The following IQSEC1 variants were observed in gnomAD, a reference collection of about 807,000 sequenced individuals.
IQSEC1 encodes the protein IQ motif and Sec7 domain ArfGEF 1, also known as IQ motif and SEC7 domain-containing protein 1.
IQSEC1 carries 31 observed loss-of-function variants against 91.0 expected under a neutral mutation model. That is an observed-to-expected ratio of 0.34 (90% CI 0.26 to 0.46). The LOEUF (loss-of-function observed/expected upper bound fraction) is 0.46, where lower values mean the gene tolerates loss of function less well. IQSEC1 is among the 20% of genes least tolerant of loss of function. The probability of loss-of-function intolerance (pLI) is 1.00; values close to 1 mark genes in which losing one functional copy is unlikely to be tolerated. For missense variants in IQSEC1, 1,388 were observed against 1,575.6 expected (o/e 0.88, Z 2.02); for synonymous variants, 699 against 662.6 (o/e 1.05, Z -0.84).
intron 1 of IQSEC1, among the ~76,000 whole-genome samples, chr3:13,268,494 ACTTTCTGATGAGGCTCCC>A (rs1483617056): frequency 2.0e-5 from 3 of 152,160 alleles, no homozygotes; most frequent in African/African-American, 7.2e-5. Context: ...CTGCCACTAG[ACTTTCTGATGAGGCTCCC>A]CTATCAGAAG....
At chr3:13,075,185 A>G (rs1168556636), upstream of IQSEC1, among the ~76,000 whole-genome samples, 1 of 152,156 alleles carries the variant, frequency 6.6e-6, no homozygotes, top group African/African-American at 2.4e-5. Context: ...GTTTCAAAAG[A>G]TTTTAATAAC....
At chr3:13,067,270 C>G (rs537849306) in intron 1 of IQSEC1, among the ~76,000 whole-genome samples, 102 of 152,298 alleles carry the variant, frequency 6.7e-4, no homozygotes, top group Middle Eastern at 3.4e-3. Context: ...GAAGGGCAGA[C>G]GGGGGCTGTG....
chr3:12,986,365 G>A (rs554835101), intron 1 of IQSEC1, among the ~76,000 whole-genome samples: 9 of 152,328 alleles, frequency 5.9e-5, no homozygotes, highest in African/African-American at 1.7e-4. Flanking sequence ...AGTTCCCCGG[G>A]GGCCAGGAGC....
chr3:13,180,968 G>A (rs964310238), intron 1 of IQSEC1, among the ~76,000 whole-genome samples: 1 of 152,066 alleles, frequency 6.6e-6, no homozygotes, highest in Non-Finnish European at 1.5e-5. Flanking sequence ...CACCAATTCC[G>A]GACACAAAAA....
intron 2 of IQSEC1, among the ~76,000 whole-genome samples, chr3:13,127,930 T>C (rs895299523): frequency 1.6e-4 from 25 of 152,244 alleles, no homozygotes; most frequent in African/African-American, 4.8e-4. Context: ...CAATTATAAA[T>C]GGTATGTGTT....
chr3:13,099,045 G>A (rs1429380658), intron 2 of IQSEC1, among the ~76,000 whole-genome samples: 1 of 152,186 alleles, frequency 6.6e-6, no homozygotes. Flanking sequence ...TTCGGGGGAT[G>A]GGGGGAACAG....
intron 1 of IQSEC1, among the ~76,000 whole-genome samples, chr3:13,277,286 C>T (rs532272330): frequency 3.9e-5 from 6 of 152,140 alleles, no homozygotes; most frequent in Admixed American, 2.6e-4. Context: ...CCCTCTCACT[C>T]CCCCCGGCAC....
chr3:12,989,697 T>C (rs1239297778), intron 1 of IQSEC1, among the ~76,000 whole-genome samples: 1 of 152,188 alleles, frequency 6.6e-6, no homozygotes, highest in Non-Finnish European at 1.5e-5. Flanking sequence ...ATCTGTGGGA[T>C]TCAGTCCCTC....
chr3:13,085,477 C>T (rs62232935), intron 2 of IQSEC1, among the ~76,000 whole-genome samples: 12,903 of 152,134 alleles, frequency 0.085, 779 homozygotes, highest in East Asian at 0.27. Context: ...GGGATTCTGA[C>T]GTAAGAAGGA....
chr3:12,905,232 G>A (rs1199048969), intron 12 of IQSEC1, among the ~76,000 whole-genome samples: 3 of 152,250 alleles, frequency 2.0e-5, no homozygotes, highest in Non-Finnish European at 4.4e-5. Context: ...AGCCTGGAGG[G>A]ACTTGGAACC....
chr3:13,047,589 A>G (rs931173999), intron 1 of IQSEC1: 3 of 839,492 alleles, frequency 3.6e-6, no homozygotes, highest in East Asian at 1.2e-4. Flanking sequence ...CTTGGGGGCC[A>G]TGTCCACTCA....
In IQSEC1 at chr3:13,131,472, CTA is replaced by C. The variant is rs564249038; in HGVS notation, c.302+32630_302+32631del. Among the ~76,000 whole-genome samples the C allele has an allele frequency of 4.5e-3, 582 of 128,000 alleles. 2 individuals carry two copies. The Middle Eastern group carries it at 0.047, about 10-fold the overall frequency. The allele number at this position is 128,000 out of a possible 152,430, so 84.0% of individuals were successfully genotyped here. On this transcript the variant is annotated intron_variant, in intron 2 of 15. Transcript: ENST00000648114. The stretch of plus-strand genomic sequence containing the variant: ...GTTATTGAAATGTTTAGGTTTAAAT[CTA>C]TGTCTTTTTTTTTTTTTTTTTTTTT...
At chr3:13,197,866 C>T (rs141566271) in intron 1 of IQSEC1, among the ~76,000 whole-genome samples, 254 of 152,286 alleles carry the variant, frequency 1.7e-3, no homozygotes, top group African/African-American at 5.8e-3. Context: ...CCCCAGCCAG[C>T]GGGAAGAAAA....
chr3:12,904,748 C>G (rs1450214426), intron 12 of IQSEC1, among the ~76,000 whole-genome samples: 1 of 152,168 alleles, frequency 6.6e-6, no homozygotes, highest in Non-Finnish European at 1.5e-5. Context: ...TGACTAAAAA[C>G]CAGGGCCAGA....
chr3:12,978,728 A>T (rs1047675485), intron 1 of IQSEC1, among the ~76,000 whole-genome samples: 1 of 152,084 alleles, frequency 6.6e-6, no homozygotes, highest in Non-Finnish European at 1.5e-5. Context: ...AATAAATAAA[A>T]AAGAATCTTT....
rs1411083370 is a variant in IQSEC1 at position 12,924,158 on chromosome 3, A to G, written c.1730+423T>C. On this transcript the variant is annotated intron_variant, in intron 4 of 13. Coordinates refer to ENST00000613206, the MANE Select transcript of IQSEC1 (RefSeq NM_001134382.3). This position sits in a 1 kb window ranked among gnomAD's most constrained non-coding sequence, Gnocchi z 6.3. ...AAACAGGGCATGCAGTCCATGCAGGAGGACAACAGCCAGGCCAGGGGAAGA... is the reference window on the plus strand; with the variant it reads ...AAACAGGGCATGCAGTCCATGCAGGGGGACAACAGCCAGGCCAGGGGAAGA... 6.6e-6 allele frequency among the ~76,000 whole-genome samples: 1 copy of G among 152,180 alleles called. No homozygotes were observed. The highest frequency in any genetic ancestry group is 6.5e-5 in the Admixed American group (1 of 15,286).
At position 12,899,662 on chromosome 3, in the gene IQSEC1, C is replaced by G. The variant is rs1416051179; in HGVS notation, c.*1321G>C. 1 of 985,320 alleles carries G rather than the reference C, an allele frequency of 1.0e-6. No homozygotes were observed. The highest frequency in any genetic ancestry group is 6.1e-5 in the Admixed American group (1 of 16,266). The allele number at this position is 985,320 out of a possible 1,614,324, so 61.0% of individuals were successfully genotyped here. ...TGAGGACACAGGGGTTCTGCTAGCACATGGCTACATGGAATTACGGTGATC... is the reference window on the plus strand; with the variant it reads ...TGAGGACACAGGGGTTCTGCTAGCAGATGGCTACATGGAATTACGGTGATC... On this transcript the variant is annotated 3_prime_UTR_variant, in exon 14 of 14. Transcript: ENST00000613206.
intron 2 of IQSEC1, among the ~76,000 whole-genome samples, chr3:13,092,025 A>G (rs1029110701): frequency 5.9e-5 from 9 of 151,994 alleles, no homozygotes; most frequent in Admixed American, 4.6e-4. Context: ...GGGCCTGTGC[A>G]TGGTCGAGGC....
intron 1 of IQSEC1, among the ~76,000 whole-genome samples, chr3:13,023,107 T>C (rs1703473164): frequency 6.6e-6 from 1 of 152,168 alleles, no homozygotes; most frequent in African/African-American, 2.4e-5. Context: ...ACCTAGGAAT[T>C]GGTGGAGGTG....
Sources: gnomAD v4.1 joint callset for allele counts (sites outside exome capture counted in the v4.1 genomes callset) on GRCh38, gnomAD v4.1.1 for gene constraint, Gnocchi (gnomAD v3.1) non-coding constraint, MANE v1.5 for transcripts, NCBI Gene and HGNC (gene_info 2026-07-23, HGNC 2026-07-21) for gene names.